SGCZ: variants seen among roughly 807,000 people sequenced by gnomAD.
The protein encoded by SGCZ is sarcoglycan zeta.
SGCZ carries 40 observed loss-of-function variants against 41.3 expected under a neutral mutation model. That is an observed-to-expected ratio of 0.97 (90% CI 0.75 to 1.26). The LOEUF (loss-of-function observed/expected upper bound fraction) is 1.26. Ranked by LOEUF, SGCZ falls within the 50% of genes most tolerant of loss-of-function variation. The pLI, the probability that SGCZ is intolerant of heterozygous loss-of-function variation, is 0.00. For synonymous variants in SGCZ, 206 were observed against 137.5 expected (o/e 1.50, Z -3.49); for missense variants, 552 against 369.8 (o/e 1.49, Z -4.04).
At chr8:14,503,750 G>C (rs911132146) in intron 2 of SGCZ, among the ~76,000 whole-genome samples, 3 of 152,116 alleles carry the variant, frequency 2.0e-5, no homozygotes, top group African/African-American at 4.8e-5. Context: ...CCTGGTGACA[G>C]AGCAAGACTC....
chr8:14,356,774 T>C (rs2117119093), intron 2 of SGCZ, among the ~76,000 whole-genome samples: 1 of 152,186 alleles, frequency 6.6e-6, no homozygotes, highest in East Asian at 1.9e-4. Context: ...GAAAATACGA[T>C]TGCAAATAAT....
At chr8:15,236,810 G>A (rs1179176114) in intron 1 of SGCZ, among the ~76,000 whole-genome samples, 3 of 152,162 alleles carry the variant, frequency 2.0e-5, no homozygotes, top group African/African-American at 7.2e-5. Context: ...CGCGGCGCGG[G>A]GAACCCGCGG....
At chr8:14,820,071 T>C (rs1036435077) in intron 1 of SGCZ, among the ~76,000 whole-genome samples, 1 of 151,884 alleles carries the variant, frequency 6.6e-6, no homozygotes, top group Non-Finnish European at 1.5e-5. Flanking sequence ...ACATAAGGTA[T>C]AGAGTGGCTA....
intron 1 of SGCZ, among the ~76,000 whole-genome samples, chr8:14,918,141 G>A (rs374627974): frequency 2.0e-5 from 3 of 152,240 alleles, no homozygotes; most frequent in East Asian, 1.9e-4. Flanking sequence ...TGGAAAATGA[G>A]GTGAATATCC....
Position 14,821,266 on chromosome 8 carries a change from T to G in SGCZ, c.40-266340A>C, listed in dbSNP as rs1243099079. 2.6e-5 allele frequency among the ~76,000 whole-genome samples: 4 copies of G among 151,956 alleles called. No homozygotes were observed. The East Asian group carries it at 7.7e-4, about 29-fold the overall frequency. On this transcript the variant is annotated intron_variant, in intron 1 of 7. Transcript: ENST00000382080. ...CATACACTGTCTACTAAAATTAAATTATGAGGAAATAGAAAAACTGAACAG... is the reference window on the plus strand; with the variant it reads ...CATACACTGTCTACTAAAATTAAATGATGAGGAAATAGAAAAACTGAACAG...
chr8:15,011,534 G>A (rs62493667), intron 1 of SGCZ, among the ~76,000 whole-genome samples: 18,317 of 152,076 alleles, frequency 0.12, 1,245 homozygotes, highest in Admixed American at 0.21. Flanking sequence ...TCATTCATAA[G>A]AACCTATTGA....
chr8:14,742,986 G>C (rs1239572672), intron 1 of SGCZ, among the ~76,000 whole-genome samples: 2 of 152,064 alleles, frequency 1.3e-5, no homozygotes, highest in Admixed American at 1.3e-4. Context: ...TGTACCATGA[G>C]CATTTAAATT....
intron 1 of SGCZ, among the ~76,000 whole-genome samples, chr8:14,794,455 G>C (rs1801059363): frequency 6.6e-6 from 1 of 152,056 alleles, no homozygotes; most frequent in Non-Finnish European, 1.5e-5. Flanking sequence ...TCGACAGAAT[G>C]AATGAAAGGT....
chr8:14,262,919 G>T (rs1799724244), intron 3 of SGCZ, among the ~76,000 whole-genome samples: 1 of 151,454 alleles, frequency 6.6e-6, no homozygotes, highest in Non-Finnish European at 1.5e-5. Context: ...TCACAACTAA[G>T]AAAACAAAAC....
intron 1 of SGCZ, among the ~76,000 whole-genome samples, chr8:14,995,647 C>G (rs1429761344): frequency 1.3e-5 from 2 of 152,114 alleles, no homozygotes; most frequent in African/African-American, 2.4e-5. Context: ...GGAGGCGTGT[C>G]CTTAGAGAAT....
intron 1 of SGCZ, among the ~76,000 whole-genome samples, chr8:14,641,881 T>G (rs1347413401): frequency 6.6e-6 from 1 of 151,662 alleles, no homozygotes; most frequent in East Asian, 1.9e-4. Flanking sequence ...CAGTGGTAGG[T>G]AATGAAAATT....
At position 14,461,956 on chromosome 8, in the gene SGCZ, C is replaced by T. The variant is rs796859812; in HGVS notation, c.234+92776G>A. Among the ~76,000 whole-genome samples, 63 of 152,034 alleles carry T rather than the reference C, an allele frequency of 4.1e-4. 1 individual carries two copies. Among genetic ancestry groups the T allele is most frequent in the East Asian group, 1.5e-3 (8 of 5,178 alleles). On this transcript the variant is annotated intron_variant, in intron 2 of 7. Coordinates refer to ENST00000382080, the MANE Select transcript of SGCZ (RefSeq NM_139167.4). ...ATATAATGCTTCCACTTTCTGAAAA[C>T]GTTTTAATACTTAGTAGGCATTTGG...
chr8:14,114,608 A>C (rs778673950), intron 5 of SGCZ, among the ~76,000 whole-genome samples: 4 of 151,986 alleles, frequency 2.6e-5, no homozygotes, highest in Non-Finnish European at 5.9e-5. Context: ...CATCCACTTA[A>C]ACAGTGTCAG....
chr8:14,705,584 A>G (rs1809307767), intron 1 of SGCZ, among the ~76,000 whole-genome samples: 1 of 151,904 alleles, frequency 6.6e-6, no homozygotes, highest in African/African-American at 2.4e-5. Context: ...AAATGTTTCT[A>G]TTTTCCTAGA....
chr8:14,120,253 T>A (rs1001626310), intron 5 of SGCZ, among the ~76,000 whole-genome samples: 2 of 152,120 alleles, frequency 1.3e-5, no homozygotes, highest in African/African-American at 2.4e-5. Flanking sequence ...AATTGACTGA[T>A]GGAGAACAAT....
At chr8:15,133,319 G>A (rs890498489) in intron 1 of SGCZ, among the ~76,000 whole-genome samples, 1 of 152,068 alleles carries the variant, frequency 6.6e-6, no homozygotes, top group Non-Finnish European at 1.5e-5. Context: ...TAGCCACTTT[G>A]TAAGTCAGTA....
At chr8:14,122,069 G>A (rs867074338) in intron 5 of SGCZ, among the ~76,000 whole-genome samples, 5 of 152,148 alleles carry the variant, frequency 3.3e-5, no homozygotes, top group African/African-American at 7.2e-5. Flanking sequence ...CCAAGGTCAG[G>A]AGATCGAGAC....
At chr8:14,332,154 G>A (rs1261475202) in intron 2 of SGCZ, among the ~76,000 whole-genome samples, 1 of 152,120 alleles carries the variant, frequency 6.6e-6, no homozygotes, top group Non-Finnish European at 1.5e-5. Flanking sequence ...AAAATATGAT[G>A]ACCGTGCACA....
At chr8:14,269,948 A>T (rs79211951) in intron 3 of SGCZ, among the ~76,000 whole-genome samples, 5,265 of 152,286 alleles carry the variant, frequency 0.035, 118 homozygotes, top group African/African-American at 0.062. Flanking sequence ...GAAAAATTTT[A>T]AACACCATAT....
Sources: gnomAD v4.1 joint callset for allele counts (sites outside exome capture counted in the v4.1 genomes callset) on GRCh38, gnomAD v4.1.1 for gene constraint, MANE v1.5 for transcripts, NCBI Gene and HGNC (gene_info 2026-07-23, HGNC 2026-07-21) for gene names.